Variants in SETD5 observed in about 807,000 individuals in gnomAD.
SETD5 encodes the protein SET domain containing 5.
In SETD5, 44 loss-of-function variants were observed where a neutral mutation model predicts 153.3. The ratio of observed to expected loss-of-function variants is 0.29; its 90% CI spans 0.23 to 0.37. The LOEUF (loss-of-function observed/expected upper bound fraction) is 0.37. SETD5 is among the 10% of genes least tolerant of loss of function. The pLI, the probability that SETD5 is intolerant of heterozygous loss-of-function variation, is 1.00. For missense variants in SETD5, 1,544 were observed against 1,768.0 expected (o/e 0.87, Z 2.27); for synonymous variants, 716 against 645.2 (o/e 1.11, Z -1.66).
At chr3:9,437,520 T>G (rs73811484) in intron 7 of SETD5, among the ~76,000 whole-genome samples, 4,035 of 146,012 alleles carry the variant, frequency 0.028, 179 homozygotes, top group African/African-American at 0.096. Flanking sequence ...TATCCTCCTT[T>G]ACGTGTGTGT....
rs538189140 is a variant in SETD5 at position 9,418,239 on chromosome 3, T to C, written c.-176-6228T>C. The stretch of plus-strand genomic sequence containing the variant: ...CTAGAACAGAGTTTTGATAATTTGT[T>C]TGAAACGAAGCACTCAAATCTTCTA... On this transcript the variant is annotated intron_variant, in intron 1 of 22. Transcript: ENST00000402198. Among the ~76,000 whole-genome samples, 8 of 152,310 alleles carry C rather than the reference T, an allele frequency of 5.3e-5. No homozygotes were observed. In the South Asian group the frequency reaches 1.2e-3, roughly 24 times the overall value.
At chr3:9,423,713 C>G (rs1329368348) in intron 1 of SETD5, among the ~76,000 whole-genome samples, 28 of 152,040 alleles carry the variant, frequency 1.8e-4, no homozygotes, top group South Asian at 2.1e-4. Context: ...GAAATGCATG[C>G]GTTCTAATGC....
chr3:9,410,825 T>A (rs2036452636), intron 1 of SETD5, among the ~76,000 whole-genome samples: 3 of 152,172 alleles, frequency 2.0e-5, no homozygotes, highest in Admixed American at 1.3e-4. Flanking sequence ...CCAGAATTTC[T>A]TGGCTTAATA....
intron 2 of SETD5, chr3:9,426,070 C>G (rs564314937): frequency 6.6e-6 from 1 of 152,100 alleles, no homozygotes; most frequent in Non-Finnish European, 1.5e-5. Flanking sequence ...GATGAGTGTT[C>G]TTGTTTTATC....
Position 9,429,020 on chromosome 3 carries a change from C to A in SETD5, c.71+11C>A. ...GGCTGCTGGATCAGAGTAAGTGCTA[C>A]TTTCTAGGTAGTAGGTACATTATCA... On this transcript the variant is annotated intron_variant, in intron 3 of 22. Transcript: ENST00000402198. 6.2e-7 allele frequency: 1 copy of A among 1,602,658 alleles called. No homozygotes were observed. The highest frequency in any genetic ancestry group is 8.5e-7 in the Non-Finnish European group (1 of 1,170,802).
At chr3:9,454,354 C>T (rs2042962244) in intron 17 of SETD5, among the ~76,000 whole-genome samples, 1 of 152,014 alleles carries the variant, frequency 6.6e-6, no homozygotes, top group Non-Finnish European at 1.5e-5. Context: ...CGCTGTGGCT[C>T]GCACCTGTAA....
At chr3:9,403,826 G>C (rs2035224193) in intron 1 of SETD5, among the ~76,000 whole-genome samples, 1 of 152,092 alleles carries the variant, frequency 6.6e-6, no homozygotes, top group African/African-American at 2.4e-5. Flanking sequence ...TTTGAAATTT[G>C]GGTCCCTATT....
At chr3:9,438,843 C>G (rs2040919456) in intron 7 of SETD5, among the ~76,000 whole-genome samples, 1 of 152,162 alleles carries the variant, frequency 6.6e-6, no homozygotes, top group South Asian at 2.1e-4. Context: ...GCCGGTAACA[C>G]TCATACACTC....
In SETD5 at chr3:9,475,699, C is replaced by A; in HGVS notation, c.3937C>A (p.Pro1313Thr). 1 of 1,613,960 alleles carries A rather than the reference C, an allele frequency of 6.2e-7. No homozygotes were observed. Among genetic ancestry groups the A allele is most frequent in the South Asian group, 1.1e-5 (1 of 91,082 alleles). Reference protein sequence around the residue: ...AHPVSTDSLAPFTGTPGYFSS... With the variant: ...AHPVSTDSLATFTGTPGYFSS... ...CCCTGTGTCCACAGACTCGTTGGCC[C>A]CATTTACGGGGACACCAGGGTATTT... The change falls in exon 23 of 23, where the codon CCA (proline) becomes ACA (threonine). Residue 1313 changes from proline to threonine, a missense_variant. By Grantham distance (38) the Pro-to-Thr change is conservative. Coordinates refer to ENST00000402198, the MANE Select transcript of SETD5 (RefSeq NM_001080517.3).
chr3:9,448,149 G>A (rs1285427952), intron 15 of SETD5, 143 bp downstream of exon 15: 4 of 1,148,504 alleles, frequency 3.5e-6, no homozygotes, highest in East Asian at 5.2e-5. Flanking sequence ...AAAGGCTGGA[G>A]TCATCCTGCT....
chr3:9,418,925 C>A (rs559998701), intron 1 of SETD5, among the ~76,000 whole-genome samples: 4 of 152,236 alleles, frequency 2.6e-5, no homozygotes, highest in Admixed American at 2.6e-4. Flanking sequence ...CTCCTGGATT[C>A]AAGCGATTCT....
chr3:9,431,550 A>G (rs564634890), intron 3 of SETD5: 17 of 985,018 alleles, frequency 1.7e-5, no homozygotes, highest in African/African-American at 5.2e-5. Flanking sequence ...TCAGTAACCA[A>G]TATGGAAATT....
chr3:9,475,448 C>A, intron 22 of SETD5, 35 bp from the exon 23 acceptor site: 1 of 1,582,878 alleles, frequency 6.3e-7, no homozygotes, highest in South Asian at 1.1e-5. Context: ...GGGACTTGTT[C>A]GCGTCCTTAT....
At chr3:9,407,912 A>C (rs62246277) in intron 1 of SETD5, among the ~76,000 whole-genome samples, 17,795 of 152,102 alleles carry the variant, frequency 0.12, 1,402 homozygotes, top group Non-Finnish European at 0.18. Context: ...AGGCAGGAGA[A>C]TCGCTCGAAC....
At chr3:9,446,981 A>C in intron 13 of SETD5, 69 bp from the exon 14 acceptor site, 1 of 1,108,526 alleles carries the variant, frequency 9.0e-7, no homozygotes. Context: ...CATTAAAAAT[A>C]CTTTTATAAA....
chr3:9,410,877 C>CTTTTTTTTTTTTT (rs34787440), intron 1 of SETD5, among the ~76,000 whole-genome samples: 3 of 146,118 alleles, frequency 2.1e-5, no homozygotes, highest in Non-Finnish European at 3.0e-5. Context: ...TAAAAATTCT[C>CTTTTTTTTTTTTT]TTTTTTTTTT....
chr3:9,422,969 A>G (rs1393083560), intron 1 of SETD5, among the ~76,000 whole-genome samples: 1 of 152,230 alleles, frequency 6.6e-6, no homozygotes, highest in African/African-American at 2.4e-5. Context: ...TCTTCCTGCC[A>G]GTCCTCTTCA....
intron 17 of SETD5, among the ~76,000 whole-genome samples, chr3:9,462,316 G>T (rs1039004544): frequency 6.6e-6 from 1 of 152,158 alleles, no homozygotes; most frequent in Non-Finnish European, 1.5e-5. Flanking sequence ...AGCCAGGCGC[G>T]GTGGCTCACG....
rs2041324273 is a variant in SETD5, at chr3:9,441,805, A to G, written c.959+64A>G. ...GACCTGGTTGACCAGTGTTGTTGTAAAAATCATTCTGTTTGATAAGACGCT... is the reference window on the plus strand; with the variant it reads ...GACCTGGTTGACCAGTGTTGTTGTAGAAATCATTCTGTTTGATAAGACGCT... On this transcript the variant is annotated intron_variant, in intron 9 of 22. Transcript: ENST00000402198. 3 of 1,596,746 alleles carry G rather than the reference A, an allele frequency of 1.9e-6. No homozygotes were observed. The East Asian group carries it at 6.7e-5, about 36-fold the overall frequency.
Sources: allele counts gnomAD v4.1 joint callset (sites outside exome capture counted in the v4.1 genomes callset), GRCh38; gene constraint gnomAD v4.1.1; transcripts MANE v1.5; gene names NCBI Gene and HGNC (gene_info 2026-07-23, HGNC 2026-07-21).